Variants in ADCY3 observed in about 807,000 individuals in gnomAD.
ADCY3 encodes adenylate cyclase type 3.
In ADCY3, 70 loss-of-function variants were observed where a neutral mutation model predicts 119.4. The ratio of observed to expected loss-of-function variants is 0.59; its 90% CI spans 0.48 to 0.72. The LOEUF (loss-of-function observed/expected upper bound fraction) is 0.72. ADCY3 is among the 30% of genes least tolerant of loss of function. The pLI, the probability that ADCY3 is intolerant of heterozygous loss-of-function variation, is 0.00. For synonymous variants in ADCY3, 672 were observed against 621.4 expected (o/e 1.08, Z -1.21); for missense variants, 1,238 against 1,541.6 (o/e 0.80, Z 3.30).
chr2:24,885,796 G>A (rs1386503560), intron 2 of ADCY3, among the ~76,000 whole-genome samples: 3 of 152,136 alleles, frequency 2.0e-5, no homozygotes, highest in African/African-American at 7.2e-5. Flanking sequence ...TCTTCATTCT[G>A]GCATTCAGGG....
Position 24,842,150 on chromosome 2 carries a change from C to T in ADCY3, c.956+104G>A, listed in dbSNP as rs1053385176. 5.9e-6 allele frequency: 9 copies of T among 1,526,768 alleles called. No homozygotes were observed. The East Asian group carries it at 1.8e-4, about 31-fold the overall frequency. The allele number at this position is 1,526,768 out of a possible 1,614,324, so 94.6% of individuals were successfully genotyped here. On this transcript the variant is annotated intron_variant, in intron 4 of 21. Coordinates refer to ENST00000679454, the MANE Select transcript of ADCY3 (RefSeq NM_004036.5). This position sits in a 1 kb window ranked among gnomAD's most constrained non-coding sequence, Gnocchi z 4.9. The stretch of plus-strand genomic sequence containing the variant: ...TGCTGTGGGAGGCCTTGCTTCTAGT[C>T]CCTGGAAAACCTCTTGAAGCCCACA...
rs763924171 is a variant in ADCY3 at position 24,819,709 on chromosome 2, C to G, written c.*223G>C. On this transcript the variant is annotated 3_prime_UTR_variant, in exon 22 of 22. Coordinates refer to ENST00000679454, the MANE Select transcript of ADCY3 (RefSeq NM_004036.5). ...GAACGAGGGCTCTGGAAGGACTGTT[C>G]AGCCCTATGCCTAAGACCCCTATGC... 42 of 529,336 alleles carry G rather than the reference C, an allele frequency of 7.9e-5. No individual in the cohort carries two copies. Among genetic ancestry groups the G allele is most frequent in the South Asian group, 1.7e-4 (7 of 40,904 alleles). 32.8% of individuals were successfully genotyped at this position (529,336 alleles called of 1,614,324 possible). A position where few individuals can be genotyped will look rare whatever the true frequency, so the allele number is the denominator to read the frequency against.
chr2:24,849,175 C>T (rs1672006476), intron 3 of ADCY3, among the ~76,000 whole-genome samples: 1 of 152,250 alleles, frequency 6.6e-6, no homozygotes, highest in African/African-American at 2.4e-5. Flanking sequence ...CCTGGGTCTA[C>T]CTCAGAGTTC....
intron 2 of ADCY3, chr2:24,877,810 T>C (rs1014166449): frequency 6.6e-6 from 3 of 456,834 alleles, no homozygotes; most frequent in Non-Finnish European, 1.4e-5. Flanking sequence ...AAGAGGCTCC[T>C]TGGCCTGGGG....
chr2:24,831,905 G>A (rs1412645915), intron 11 of ADCY3, among the ~76,000 whole-genome samples, 156 bp from the exon 12 acceptor site: 11 of 104,334 alleles, frequency 1.1e-4, no homozygotes, highest in South Asian at 3.6e-4. Flanking sequence ...AGGGGACAGC[G>A]GACAGGGGCC....
chr2:24,859,311 A>G (rs149899128), intron 3 of ADCY3, among the ~76,000 whole-genome samples: 6 of 152,314 alleles, frequency 3.9e-5, no homozygotes, highest in South Asian at 2.1e-4. Context: ...AGGCAGAGGC[A>G]CAGCCCTCCC....
At chr2:24,904,401 A>T (rs1679242889) in intron 2 of ADCY3, among the ~76,000 whole-genome samples, 1 of 152,042 alleles carries the variant, frequency 6.6e-6, no homozygotes, top group Non-Finnish European at 1.5e-5. Flanking sequence ...GTGGTGGCAC[A>T]TGCCTGTAGT....
intron 3 of ADCY3, among the ~76,000 whole-genome samples, chr2:24,849,906 G>T (rs901444601): frequency 7.2e-5 from 11 of 152,142 alleles, no homozygotes; most frequent in Admixed American, 7.2e-4. Context: ...ACGGTATCTG[G>T]ATGTCCTCTA....
chr2:24,832,732 G>A (rs1179665369), intron 11 of ADCY3, among the ~76,000 whole-genome samples: 3 of 152,286 alleles, frequency 2.0e-5, no homozygotes, highest in East Asian at 3.9e-4. Flanking sequence ...GCATGCTGGT[G>A]ATGCCAGGTT....
At chr2:24,860,837 G>A (rs770140649) in intron 3 of ADCY3, among the ~76,000 whole-genome samples, 22 of 152,122 alleles carry the variant, frequency 1.4e-4, no homozygotes, top group Admixed American at 9.8e-4. Context: ...GGTCACCAGC[G>A]CATCCCTACA....
intron 2 of ADCY3, among the ~76,000 whole-genome samples, chr2:24,913,670 T>A (rs149460727): frequency 8.7e-4 from 133 of 152,310 alleles, no homozygotes; most frequent in Non-Finnish European, 1.6e-3. Context: ...ACAGGGTGTC[T>A]CTGGAAGCCT....
chr2:24,857,824 C>G (rs1673191361), intron 3 of ADCY3, among the ~76,000 whole-genome samples: 1 of 152,036 alleles, frequency 6.6e-6, no homozygotes, highest in Non-Finnish European at 1.5e-5. Flanking sequence ...CCACCTTTAC[C>G]CACGGCACTC....
chr2:24,894,489 A>G (rs934216012), intron 2 of ADCY3, among the ~76,000 whole-genome samples: 1 of 152,184 alleles, frequency 6.6e-6, no homozygotes, highest in Non-Finnish European at 1.5e-5. Flanking sequence ...AACTAGTAAC[A>G]ATAAATAAAG....
Position 24,918,872 on chromosome 2 carries a change from G to A in ADCY3, c.116C>T (p.Ser39Leu), listed in dbSNP as rs1328646985. The A allele has an allele frequency of 1.2e-6, 2 of 1,613,130 alleles. No homozygotes were observed. Among genetic ancestry groups the A allele is most frequent in the Admixed American group, 1.7e-5 (1 of 60,024 alleles). ...CAGGCAGGAGCCCGAGTTCCGGACC[G>A]AGATTTCATGGGTCCGGCCCACCCC... ...DRGVGRTHEI[S>L]VRNSGSCLCL... The change falls in exon 2 of 22, where the codon TCG becomes TTG. Residue 39 changes from serine (S) to leucine (L), a missense_variant. By Grantham distance (145) the Ser-to-Leu change is moderately radical. Coordinates refer to ENST00000679454, the MANE Select transcript of ADCY3 (RefSeq NM_004036.5). The surrounding 1 kb of genome is among the most constrained non-coding windows in gnomAD (Gnocchi z 5.4).
At chr2:24,829,717 C>CAACCAATTACCCTTTTTGA (rs1467162270) in intron 13 of ADCY3, among the ~76,000 whole-genome samples, 54 of 151,228 alleles carry the variant, frequency 3.6e-4, no homozygotes, top group South Asian at 6.3e-4. Context: ...CCACTGCGCC[C>CAACCAATTACCCTTTTTGA]GGCACCGTGT....
rs745597461 is a variant in ADCY3 at position 24,841,316 on chromosome 2, C to T, written c.1139G>A (p.Arg380Gln). ...GATGGAGCAGACGGCGTGGTCCTCC[C>T]GGTAGTCGGGCAAGCCGCAGATGCA... Reference protein sequence around the residue: ...YYCICGLPDYREDHAVCSILM... With the variant: ...YYCICGLPDYQEDHAVCSILM... Residue 380 changes from arginine to glutamine, a missense_variant, in exon 6 of 22, where the codon CGG becomes CAG. By Grantham distance (43) the Arg-to-Gln change is conservative. Transcript: ENST00000679454. The surrounding 1 kb of genome is among the most constrained non-coding windows in gnomAD (Gnocchi z 5.8). The T allele has an allele frequency of 1.1e-5, 18 of 1,586,954 alleles. No individual in the cohort carries two copies. The highest frequency in any genetic ancestry group is 2.3e-5 in the South Asian group (2 of 87,148).
chr2:24,875,380 A>C (rs557006498), intron 2 of ADCY3, among the ~76,000 whole-genome samples: 1 of 152,288 alleles, frequency 6.6e-6, no homozygotes, highest in East Asian at 1.9e-4. Flanking sequence ...GGTGTAGCTG[A>C]TGGGAGGCTC....
At chr2:24,912,581 GTGTGCATGTGTGTGTGTGTGTGCA>G (rs1483680158) in intron 2 of ADCY3, among the ~76,000 whole-genome samples, 826 of 41,738 alleles carry the variant, frequency 0.02, 22 homozygotes, top group African/African-American at 0.16. Context: ...GTGTGTGTGT[GTGTGCATGTGTGTGTGTGTGTGCA>G]TGTGTGTGTG....
At chr2:24,875,109 G>A (rs1675520546) in intron 2 of ADCY3, among the ~76,000 whole-genome samples, 1 of 151,914 alleles carries the variant, frequency 6.6e-6, no homozygotes, top group Non-Finnish European at 1.5e-5. Flanking sequence ...CCTATGAGAT[G>A]GCCAGGCAAG....
Sources: allele counts gnomAD v4.1 joint callset (sites outside exome capture counted in the v4.1 genomes callset), GRCh38; gene constraint gnomAD v4.1.1; non-coding constraint Gnocchi (gnomAD v3.1); transcripts MANE v1.5; gene names NCBI Gene and HGNC (gene_info 2026-07-23, HGNC 2026-07-21).